Variants in OCM2 observed in about 807,000 individuals in gnomAD.
The protein encoded by OCM2 is oncomodulin 2.
In OCM2, 6 loss-of-function variants were observed where a neutral mutation model predicts 13.6. The observed-to-expected ratio is 0.44, with a 90% confidence interval of 0.24 to 0.87. The LOEUF is 0.87. Among genes scored for constraint, OCM2 ranks in the 40% least tolerant of loss-of-function variants. The probability of loss-of-function intolerance (pLI) is 0.22; values close to 1 mark genes in which losing one functional copy is unlikely to be tolerated. For missense variants in OCM2, 118 were observed against 136.8 expected, an observed-to-expected ratio of 0.86 and a Z score of 0.68; for synonymous variants, 40 against 50.7, an observed-to-expected ratio of 0.79 and a Z score of 0.90.
chr7:97,988,971 G>C (rs1296171667), intron 1 of OCM2, among the ~76,000 whole-genome samples: 1 of 139,334 alleles, frequency 7.2e-6, no homozygotes, highest in East Asian at 2.1e-4. Flanking sequence ...TCACTCTGTC[G>C]CCAGGCTGGA....
Position 97,988,466 on chromosome 7 carries a change from GA to G in OCM2, c.143del (p.Phe48SerfsTer4). The stretch of plus-strand genomic sequence containing the variant: ...CGCTCTGGTCGTTGTCTATGAACCG[GA>G]AAACATCCTTCACCTGACTGGCTGA... On this transcript the variant is annotated frameshift_variant, in exon 2 of 4. Coordinates refer to ENST00000257627, the Ensembl canonical transcript of OCM2. LOFTEE classifies it high-confidence loss of function. 6.2e-7 allele frequency: 1 copy of G among 1,614,126 alleles called. No individual in the cohort carries two copies.
intron 3 of OCM2, among the ~76,000 whole-genome samples, chr7:97,986,577 C>T (rs1242842972): frequency 7.2e-5 from 11 of 152,102 alleles, no homozygotes; most frequent in Middle Eastern, 3.2e-3. Flanking sequence ...ATCCCCTTGG[C>T]GGGCTAATGT....
chr7:97,988,590 A>G (rs1334291799), intron 1 of OCM2, 42 bp from the exon 2 acceptor site: 6 of 1,612,804 alleles, frequency 3.7e-6, no homozygotes, highest in Admixed American at 1.7e-5. Context: ...TCATTGGATC[A>G]CATTCTATGT....
At chr7:97,990,015 A>AGGGCGCC in intron 1 of OCM2, 29 bp downstream of exon 1, 1 of 780,806 alleles carries the variant, frequency 1.3e-6, no homozygotes, top group Non-Finnish European at 2.2e-6. Context: ...CTGTGAGGAA[A>AGGGCGCC]TCCCACCCCC....
intron 1 of OCM2, among the ~76,000 whole-genome samples, chr7:97,989,064 G>A (rs970172016): frequency 1.3e-5 from 2 of 151,504 alleles, no homozygotes; most frequent in Non-Finnish European, 2.9e-5. Flanking sequence ...CCGAGTAGCT[G>A]GGATTACAGG....
In OCM2 at chr7:97,988,566, G is replaced by A. The variant is rs1443783610; in HGVS notation, c.62-18C>T. On this transcript the variant is annotated intron_variant, in intron 1 of 3. Transcript: ENST00000257627. Reference sequence around the variant, plus strand: ...GTCTGGGTCTGAAGAACAGAGAATGGGTTATTCTGACACTCATTGGATCAC... The same window carrying A: ...GTCTGGGTCTGAAGAACAGAGAATGAGTTATTCTGACACTCATTGGATCAC... 4 of 1,613,998 alleles carry A rather than the reference G, an allele frequency of 2.5e-6. No homozygotes were observed. The highest frequency in any genetic ancestry group is 8.5e-7 in the Non-Finnish European group (1 of 1,179,958).
intron 1 of OCM2, among the ~76,000 whole-genome samples, 190 bp from the exon 2 acceptor site, chr7:97,988,738 G>A (rs546553922): frequency 4.0e-5 from 6 of 149,768 alleles, no homozygotes; most frequent in Admixed American, 2.0e-4. Flanking sequence ...TGTCCCCTCC[G>A]CCCCGGTCTT....
chr7:97,986,793 T>A (rs1292716921), intron 3 of OCM2, among the ~76,000 whole-genome samples: 1 of 151,948 alleles, frequency 6.6e-6, no homozygotes, highest in East Asian at 1.9e-4. Context: ...CCTAGTCAGG[T>A]GAAGGATATT....
In OCM2 at chr7:97,984,753, A is replaced by G. The variant is rs55837925; in HGVS notation, c.*205T>C. 7.8e-3 allele frequency: 4,517 copies of G among 581,918 alleles called. 150 individuals carry two copies. Among genetic ancestry groups the G allele is most frequent in the African/African-American group, 0.075 (4,004 of 53,670 alleles). 36.0% of individuals were successfully genotyped at this position (581,918 alleles called of 1,614,324 possible). On this transcript the variant is annotated 3_prime_UTR_variant, in exon 4 of 4. Transcript: ENST00000257627. ...CTGTTGGGGGAAGGGGGGCTTACAG[A>G]AGTTGTCAGGGCATATACCCACCAC...
At chr7:97,986,319 C>G (rs929453244) in intron 3 of OCM2, among the ~76,000 whole-genome samples, 3 of 87,676 alleles carry the variant, frequency 3.4e-5, no homozygotes, top group African/African-American at 2.0e-4. Flanking sequence ...TAATTTTGAA[C>G]AGGTTTTTTT....
chr7:97,985,069 G>A, intron 3 of OCM2, 86 bp from the exon 4 acceptor site: 3 of 1,579,614 alleles, frequency 1.9e-6, no homozygotes, highest in Admixed American at 1.7e-5. Context: ...TTCCAAAGAG[G>A]GAAGGAAGCA....
At chr7:97,988,815 C>A (rs771212893) in intron 1 of OCM2, among the ~76,000 whole-genome samples, 48 of 152,070 alleles carry the variant, frequency 3.2e-4, no homozygotes, top group Non-Finnish European at 4.4e-4. Flanking sequence ...TCCCCCTCCC[C>A]CTGGCCCACT....
At position 97,989,619 on chromosome 7, in the gene OCM2, GCTGGTCTCAAACTC is replaced by G. The variant is rs559980583; in HGVS notation, c.61+411_61+424del. On this transcript the variant is annotated intron_variant, in intron 1 of 3. Transcript: ENST00000257627. ...GATGGAGTCTTGTTATGTTGCCCAG[GCTGGTCTCAAACTC>G]CTGGGCTCAAACAGTCCTCTCACCT... Among the ~76,000 whole-genome samples the G allele has an allele frequency of 3.6e-4, 55 of 151,906 alleles. 2 individuals carry two copies. In the South Asian group the frequency reaches 0.011, roughly 31 times the overall value.
chr7:97,985,428 AAAAAAAG>A (rs1265330634), intron 3 of OCM2, among the ~76,000 whole-genome samples: 1 of 146,986 alleles, frequency 6.8e-6, no homozygotes, highest in African/African-American at 2.5e-5. Context: ...CAAAAAAAAA[AAAAAAAG>A]AAAGAAAGAA....
chr7:97,985,244 C>G (rs1794658293), intron 3 of OCM2, among the ~76,000 whole-genome samples: 2 of 151,940 alleles, frequency 1.3e-5, no homozygotes, highest in Admixed American at 1.3e-4. Context: ...AATGGTGAAA[C>G]CCTGTCTCTA....
chr7:97,988,809 C>T (rs1421807172), intron 1 of OCM2, among the ~76,000 whole-genome samples: 1 of 152,058 alleles, frequency 6.6e-6, no homozygotes, highest in Non-Finnish European at 1.5e-5. Context: ...TGTGCCTCCC[C>T]CTCCCCCTGG....
intron 3 of OCM2, 100 bp downstream of exon 3, chr7:97,986,947 A>G (rs2116136395): frequency 1.3e-6 from 2 of 1,560,576 alleles, no homozygotes; most frequent in Non-Finnish European, 1.7e-6. Context: ...AGGTTAAGAA[A>G]GGGAGATTTT....
chr7:97,988,922 T>C (rs1584171437), intron 1 of OCM2, among the ~76,000 whole-genome samples: 1 of 114,342 alleles, frequency 8.7e-6, no homozygotes, highest in African/African-American at 4.4e-5. Context: ...CCTTTGGCGA[T>C]TTCTTTCTTT....
Position 97,987,035 on chromosome 7 carries a change from G to A in OCM2, c.304+12C>T, listed in dbSNP as rs576417460. The A allele has an allele frequency of 9.4e-5, 151 of 1,612,338 alleles. 1 individual carries two copies. In the South Asian group the frequency reaches 1.6e-3, roughly 17 times the overall value. ...CTAGAGTGTTTTATGCTACGTACAC[G>A]TGTGGACATACCCTCTGCTCCAATT... is the stretch of plus-strand genomic sequence containing the variant. On this transcript the variant is annotated intron_variant, in intron 3 of 3. Coordinates refer to ENST00000257627, the Ensembl canonical transcript of OCM2.
Sources: gnomAD v4.1 joint callset for allele counts (sites outside exome capture counted in the v4.1 genomes callset) on GRCh38, gnomAD v4.1.1 for gene constraint, MANE v1.5 for transcripts, NCBI Gene and HGNC (gene_info 2026-07-23, HGNC 2026-07-21) for gene names.